NEGR1: variants seen among roughly 807,000 people sequenced by gnomAD.
NEGR1 encodes the protein IgLON family member 4.
A neutral mutation model predicts 40.9 loss-of-function variants in NEGR1; 10 were observed. The observed-to-expected ratio is 0.24, with a 90% CI of 0.15 to 0.42. The LOEUF (loss-of-function observed/expected upper bound fraction) is 0.42, where lower values mean the gene tolerates loss of function less well. Among genes scored for constraint, NEGR1 ranks in the 10% least tolerant of loss-of-function variants. NEGR1 has a pLI of 1.00. For synonymous variants in NEGR1, 185 were observed against 166.8 expected, an observed-to-expected ratio of 1.11 and a Z score of -0.84; for missense variants, 352 against 438.9, an observed-to-expected ratio of 0.80 and a Z score of 1.77.
intron 1 of NEGR1, among the ~76,000 whole-genome samples, chr1:72,099,922 C>T (rs1648867153): frequency 6.6e-6 from 1 of 151,786 alleles, no homozygotes; most frequent in African/African-American, 2.4e-5. Flanking sequence ...CATACACATA[C>T]ATATGTAGAA....
chr1:71,577,172 A>C (rs1052991776), intron 6 of NEGR1, among the ~76,000 whole-genome samples: 3 of 152,222 alleles, frequency 2.0e-5, no homozygotes, highest in African/African-American at 7.2e-5. Context: ...ATGAATAAAA[A>C]ATGATAAATT....
intron 2 of NEGR1, among the ~76,000 whole-genome samples, chr1:71,860,494 T>C (rs1383223250): frequency 2.0e-5 from 3 of 152,042 alleles, no homozygotes; most frequent in Non-Finnish European, 4.4e-5. Context: ...TCAAAATTAT[T>C]GTGTGTTTCA....
In NEGR1 at chr1:71,404,569, CTTCA is replaced by C. The variant is rs1409640590; in HGVS notation, c.*2873_*2876del. On this transcript the variant is annotated 3_prime_UTR_variant, in exon 7 of 7. Coordinates refer to ENST00000357731, the MANE Select transcript of NEGR1 (RefSeq NM_173808.3). ...CCTTCTCCCCTTCCTCCCTTCCTTC[CTTCA>C]TTCCTTCCATCCTTCCTTTTTTTCC... 2.4e-5 allele frequency: 3 copies of C among 126,466 alleles called. No homozygotes were observed. The highest frequency in any genetic ancestry group is 5.7e-5 in the African/African-American group (2 of 34,992). The allele number at this position is 126,466 out of a possible 1,614,324, so 7.8% of individuals were successfully genotyped here. A position where few individuals can be genotyped will look rare whatever the true frequency, so the allele number is the denominator to read the frequency against.
intron 1 of NEGR1, among the ~76,000 whole-genome samples, chr1:72,012,332 G>A (rs571147856): frequency 6.6e-6 from 1 of 152,038 alleles, no homozygotes; most frequent in Non-Finnish European, 1.5e-5. Flanking sequence ...AAACCAGGCA[G>A]CCATAGCTGG....
At chr1:72,131,588 A>G (rs147876880) in intron 1 of NEGR1, among the ~76,000 whole-genome samples, 1 of 152,222 alleles carries the variant, frequency 6.6e-6, no homozygotes, top group African/African-American at 2.4e-5. Context: ...TCCAAATACG[A>G]TAACAAGATA....
chr1:71,597,401 T>A (rs1649746508), intron 5 of NEGR1, among the ~76,000 whole-genome samples: 1 of 142,536 alleles, frequency 7.0e-6, no homozygotes, highest in Admixed American at 7.2e-5. Context: ...TTCTCAAGGA[T>A]GGAGTTTTAT....
intron 1 of NEGR1, among the ~76,000 whole-genome samples, chr1:72,279,066 T>C (rs1656159248): frequency 6.6e-6 from 1 of 152,118 alleles, no homozygotes; most frequent in South Asian, 2.1e-4. Context: ...TTACACTTCA[T>C]ATATATGGCT....
chr1:71,992,451 T>A (rs185784716), intron 1 of NEGR1, among the ~76,000 whole-genome samples: 1 of 152,244 alleles, frequency 6.6e-6, no homozygotes, highest in African/African-American at 2.4e-5. Context: ...AAGCCACACA[T>A]GTAGTTTGAA....
intron 6 of NEGR1, among the ~76,000 whole-genome samples, chr1:71,479,992 G>A (rs1646844250): frequency 1.3e-5 from 2 of 151,864 alleles, no homozygotes; most frequent in African/African-American, 4.8e-5. Context: ...AATTTTCATG[G>A]GAGGGCTCAC....
chr1:71,773,112 G>T (rs578020292), intron 3 of NEGR1, among the ~76,000 whole-genome samples: 52 of 152,248 alleles, frequency 3.4e-4, no homozygotes, highest in African/African-American at 1.2e-3. Context: ...TGATGTTTGT[G>T]ATGTGGTTGA....
At chr1:71,444,570 C>T (rs951180842) in intron 6 of NEGR1, among the ~76,000 whole-genome samples, 2 of 152,176 alleles carry the variant, frequency 1.3e-5, no homozygotes, top group Middle Eastern at 3.4e-3. Flanking sequence ...AAGGGCCATA[C>T]AAAAACAAGA....
chr1:71,908,322 C>T (rs1049890947), intron 2 of NEGR1, among the ~76,000 whole-genome samples: 1 of 151,844 alleles, frequency 6.6e-6, no homozygotes, highest in African/African-American at 2.4e-5. Flanking sequence ...TTGATGCAAA[C>T]ATTTCCAAAA....
chr1:72,282,242 A>G (rs1656283837), intron 1 of NEGR1, 77 bp downstream of exon 1: 1 of 1,511,730 alleles, frequency 6.6e-7, no homozygotes, highest in Non-Finnish European at 9.0e-7. Flanking sequence ...CTTGTGTTAT[A>G]AAGAAGGCAA....
intron 4 of NEGR1, among the ~76,000 whole-genome samples, chr1:71,647,206 T>C (rs1029415591): frequency 1.3e-5 from 2 of 151,812 alleles, no homozygotes; most frequent in African/African-American, 4.8e-5. Flanking sequence ...CACAGGAAAG[T>C]TTCATTTCTC....
chr1:72,026,139 A>AAAAAAAAAAG (rs1646807234), intron 1 of NEGR1, among the ~76,000 whole-genome samples: 1 of 144,018 alleles, frequency 6.9e-6, no homozygotes, highest in Non-Finnish European at 1.5e-5. Context: ...AAAAAAAAAA[A>AAAAAAAAAAG]AAAATGACAT....
chr1:71,605,243 T>G (rs985242584), intron 5 of NEGR1, among the ~76,000 whole-genome samples: 1 of 152,188 alleles, frequency 6.6e-6, no homozygotes, highest in Non-Finnish European at 1.5e-5. Context: ...GGGTATAATG[T>G]AGTGTTTTTA....
At chr1:72,126,476 A>G (rs1357384846) in intron 1 of NEGR1, among the ~76,000 whole-genome samples, 1 of 152,176 alleles carries the variant, frequency 6.6e-6, no homozygotes, top group Non-Finnish European at 1.5e-5. Context: ...GGTAAATTTA[A>G]TATTTTTTGG....
At chr1:71,721,522 A>G (rs932673036) in intron 3 of NEGR1, among the ~76,000 whole-genome samples, 10 of 152,166 alleles carry the variant, frequency 6.6e-5, no homozygotes, top group African/African-American at 2.4e-4. Flanking sequence ...TCAGATAATT[A>G]CACATGCTTT....
intron 1 of NEGR1, among the ~76,000 whole-genome samples, chr1:72,252,173 T>TTC (rs1655124409): frequency 5.9e-5 from 9 of 151,426 alleles, no homozygotes; most frequent in South Asian, 2.1e-4. Context: ...TGGGGCGATG[T>TTC]AGCTGGGATT....
Sources: allele counts gnomAD v4.1 joint callset (sites outside exome capture counted in the v4.1 genomes callset), GRCh38; gene constraint gnomAD v4.1.1; transcripts MANE v1.5; gene names NCBI Gene and HGNC (gene_info 2026-07-23, HGNC 2026-07-21).